Variants in HELQ observed in about 807,000 individuals in gnomAD.
HELQ encodes the protein helicase, POLQ like, also known as helicase POLQ-like.
A neutral mutation model predicts 111.6 loss-of-function variants in HELQ; 77 were observed. That is an observed-to-expected ratio of 0.69 (90% confidence interval 0.57 to 0.83). The LOEUF (loss-of-function observed/expected upper bound fraction) is 0.83. HELQ is among the 40% of genes least tolerant of loss of function. The pLI is 0.00. For missense variants in HELQ, 1,200 were observed against 1,288.5 expected (o/e 0.93, Z 1.05); for synonymous variants, 438 against 454.7 (o/e 0.96, Z 0.47).
chr4:83,449,700 A>T lies in HELQ; in HGVS notation c.1013-739T>A, dbSNP rs539785594. On this transcript the variant is annotated intron_variant, in intron 2 of 17. Coordinates refer to ENST00000295488, the MANE Select transcript of HELQ (RefSeq NM_133636.5). ...GTGCTTCAGTGTTTTATCACTAGAAAAATGGGCAAAAAATTTAAGACATTT... is the reference window on the plus strand; with the variant it reads ...GTGCTTCAGTGTTTTATCACTAGAATAATGGGCAAAAAATTTAAGACATTT... Among the ~76,000 whole-genome samples the T allele has an allele frequency of 3.3e-5, 5 of 152,360 alleles. No homozygotes were observed. In the East Asian group the frequency reaches 9.6e-4, roughly 29 times the overall value.
intron 17 of HELQ, among the ~76,000 whole-genome samples, chr4:83,415,946 CA>C (rs545835145): frequency 0.084 from 11,287 of 134,992 alleles, 536 homozygotes; most frequent in Middle Eastern, 0.15. Flanking sequence ...CGAACCCAGC[CA>C]TTTTTTTTTT....
At position 83,453,710 on chromosome 4, in the gene HELQ, C is replaced by T; in HGVS notation, c.533G>A (p.Ser178Asn). The T allele has an allele frequency of 6.2e-7, 1 of 1,614,040 alleles. No homozygotes were observed. Among genetic ancestry groups the T allele is most frequent in the Non-Finnish European group, 8.5e-7 (1 of 1,179,912 alleles). ...LQTDKHTENQ[S>N]GYEGVTIEPG... ...TTCAATAGTGACACCTTCATATCCACTCTGGTTCTCTGTGTGCTTATCAGT... is the reference window on the plus strand; with the variant it reads ...TTCAATAGTGACACCTTCATATCCATTCTGGTTCTCTGTGTGCTTATCAGT... Residue 178 changes from serine to asparagine, a missense_variant, in exon 2 of 18, where the codon AGT becomes AAT. By Grantham distance (46) the Ser-to-Asn change is conservative. Around this residue, in one of 3 missense-constraint regions of HELQ, gnomAD observed 610 missense variants for 607.1 expected, o/e 1.00. Transcript: ENST00000295488.
chr4:83,425,955 G>T, intron 14 of HELQ, 39 bp downstream of exon 14: 1 of 1,076,074 alleles, frequency 9.3e-7, no homozygotes, highest in Non-Finnish European at 1.4e-6. Flanking sequence ...TAAGTGTTGA[G>T]TGAACTTATT....
chr4:83,417,375 G>A (rs1259094238), intron 16 of HELQ, among the ~76,000 whole-genome samples: 2 of 151,890 alleles, frequency 1.3e-5, no homozygotes, highest in Non-Finnish European at 2.9e-5. Flanking sequence ...GCTAATTTTT[G>A]TATTTTTAGT....
chr4:83,434,555 TG>T (rs1720346098), intron 9 of HELQ, among the ~76,000 whole-genome samples: 1 of 152,014 alleles, frequency 6.6e-6, no homozygotes, highest in African/African-American at 2.4e-5. Context: ...CTCGATGTCC[TG>T]GGCTCAAGCA....
intron 15 of HELQ, among the ~76,000 whole-genome samples, chr4:83,419,943 T>C (rs897066114): frequency 5.0e-4 from 76 of 152,230 alleles, no homozygotes; most frequent in African/African-American, 1.4e-3. Context: ...AATTGCCATA[T>C]ACATATACAG....
At chr4:83,417,541 G>A in intron 16 of HELQ, among the ~76,000 whole-genome samples, 1 of 151,988 alleles carries the variant, frequency 6.6e-6, no homozygotes. Context: ...TCTACTCAGG[G>A]GACCACTGGT....
chr4:83,446,871 T>C lies in HELQ; in HGVS notation c.1356A>G (p.Gly452=). The change falls in exon 4 of 18, where the codon GGA becomes GGG. Residue 452 remains glycine (G), a synonymous_variant. Coordinates refer to ENST00000295488, the MANE Select transcript of HELQ (RefSeq NM_133636.5). ...HSLVNSLIET[G]RIDSLGLVVV... ...CAACCAGACCCAGACTGTCAATTCT[T>C]CCAGTTTCAATCAAGGAGTTCACCA... 6.2e-7 allele frequency: 1 copy of C among 1,613,742 alleles called. No individual in the cohort carries two copies.
At position 83,453,396 on chromosome 4, in the gene HELQ, T is replaced by C. The variant is rs1442972738; in HGVS notation, c.847A>G (p.Ile283Val). 2 of 1,606,726 alleles carry C rather than the reference T, an allele frequency of 1.2e-6. No homozygotes were observed. Among genetic ancestry groups the C allele is most frequent in the East Asian group, 2.2e-5 (1 of 44,846 alleles). Residue 283 changes from isoleucine to valine, a missense_variant, in exon 2 of 18, where the codon ATA (isoleucine) becomes GTA (valine). By Grantham distance (29) the Ile-to-Val change is conservative. Around this residue, in one of 3 missense-constraint regions of HELQ, gnomAD observed 610 missense variants for 607.1 expected, o/e 1.00. Coordinates refer to ENST00000295488, the MANE Select transcript of HELQ (RefSeq NM_133636.5). The part of the protein sequence containing the change: ...MTGNAKAQTP[I>V]FSRSKQLKDT... The stretch of plus-strand genomic sequence containing the variant: ...TTGAGCTGTTTACTTCTAGAAAATA[T>C]TGGTGTCTGGGCCTTCGCATTTCCA...
At chr4:83,433,759 G>A (rs1479651700) in intron 9 of HELQ, among the ~76,000 whole-genome samples, 2 of 151,228 alleles carry the variant, frequency 1.3e-5, no homozygotes, top group Non-Finnish European at 2.9e-5. Context: ...GAAGGCAGGA[G>A]GATCACGAGG....
intron 14 of HELQ, among the ~76,000 whole-genome samples, chr4:83,424,409 T>A (rs1719731998): frequency 6.6e-6 from 1 of 152,228 alleles, no homozygotes; most frequent in Non-Finnish European, 1.5e-5. Flanking sequence ...ATAACATGAA[T>A]GCTTAAGTAC....
intron 9 of HELQ, among the ~76,000 whole-genome samples, chr4:83,433,665 C>CAAAA (rs1175098887): frequency 2.1e-5 from 1 of 47,072 alleles, no homozygotes; most frequent in African/African-American, 6.6e-5. Context: ...GACTCCGTCT[C>CAAAA]AAAAAAAAAA....
intron 2 of HELQ, among the ~76,000 whole-genome samples, chr4:83,451,678 A>C (rs1372097473): frequency 7.9e-5 from 12 of 152,082 alleles, no homozygotes; most frequent in African/African-American, 2.9e-4. Context: ...AAAAACAAAA[A>C]AACAAAAACA....
At chr4:83,451,592 G>C (rs1578106647) in intron 2 of HELQ, among the ~76,000 whole-genome samples, 2 of 152,014 alleles carry the variant, frequency 1.3e-5, no homozygotes, top group African/African-American at 4.8e-5. Context: ...CGCGAACCCA[G>C]GAGGCGGAGC....
In HELQ at chr4:83,439,955, T is replaced by C. The variant is rs1720680830; in HGVS notation, c.1716A>G (p.Thr572=). ...MDPDHLVALV[T]EVIPNYSCLV... ...AGCAGGAATAATTGGGAATAACTTC[T>C]GTCACCAATGCTACCAAGTGATCAG... The change falls in exon 8 of 18, where the codon ACA becomes ACG. Residue 572 remains threonine, a synonymous_variant. Transcript: ENST00000295488. 12 of 1,611,464 alleles carry C rather than the reference T, an allele frequency of 7.4e-6. No individual in the cohort carries two copies. The South Asian group carries it at 1.2e-4, about 16-fold the overall frequency.
At chr4:83,418,758 C>A (rs1311004646) in intron 15 of HELQ, among the ~76,000 whole-genome samples, 4 of 152,062 alleles carry the variant, frequency 2.6e-5, no homozygotes, top group Non-Finnish European at 4.4e-5. Context: ...CTTTGGATAT[C>A]ACTGTGAATG....
chr4:83,443,620 A>G lies in HELQ; in HGVS notation c.1466-6T>C, dbSNP rs1371534301. 2 of 1,297,968 alleles carry G rather than the reference A, an allele frequency of 1.5e-6. No individual in the cohort carries two copies. The highest frequency in any genetic ancestry group is 2.2e-6 in the Non-Finnish European group (2 of 911,984). 80.4% of individuals were successfully genotyped at this position (1,297,968 alleles called of 1,614,324 possible). On this transcript the variant is annotated splice_region_variant and splice_polypyrimidine_tract_variant and intron_variant, in intron 5 of 17. Transcript: ENST00000295488. ...ACCAATAATTTGAGTCGTTTCTAAA[A>G]CACAAACAAACAAAAGCCAAAGTGT...
chr4:83,443,549 G>A lies in HELQ; in HGVS notation c.1531C>T (p.Gln511Ter). The change falls in exon 6 of 18, where the codon CAA becomes TAA. Residue 511 changes from glutamine to a stop codon, truncating the protein, a stop_gained. Coordinates refer to ENST00000295488, the MANE Select transcript of HELQ (RefSeq NM_133636.5). LOFTEE classifies it high-confidence loss of function. ...AATTGACTGGTATAATATTCTGCTT[G>A]AAGAAACTTTTGTAGGTCTTCAACA... ...NNVEDLQKFL[Q>*]AEYYTSQFRP... 1 of 1,586,830 alleles carries A rather than the reference G, an allele frequency of 6.3e-7. No individual in the cohort carries two copies. Among genetic ancestry groups the A allele is most frequent in the Non-Finnish European group, 8.6e-7 (1 of 1,157,388 alleles).
At position 83,421,139 on chromosome 4, in the gene HELQ, T is replaced by C. The variant is rs551121526; in HGVS notation, c.2949+424A>G. ...ATTAAATTTTTTTAAAAAGAGAATA[T>C]GGTACTAAATAGTCACATGGTAGCT... On this transcript the variant is annotated intron_variant, in intron 15 of 17. Coordinates refer to ENST00000295488, the MANE Select transcript of HELQ (RefSeq NM_133636.5). Among the ~76,000 whole-genome samples, 5 of 152,304 alleles carry C rather than the reference T, an allele frequency of 3.3e-5. No homozygotes were observed. In the South Asian group the frequency reaches 1.0e-3, roughly 32 times the overall value.
Sources: allele counts gnomAD v4.1 joint callset (sites outside exome capture counted in the v4.1 genomes callset), GRCh38; gene constraint gnomAD v4.1.1; regional missense constraint gnomAD v4.1.1; transcripts MANE v1.5; gene names NCBI Gene and HGNC (gene_info 2026-07-23, HGNC 2026-07-21).